Variants in SGCZ observed in about 807,000 individuals in gnomAD.
The protein encoded by SGCZ is zeta-sarcoglycan.
SGCZ carries 40 observed loss-of-function variants against 41.3 expected under a neutral mutation model. The observed-to-expected ratio is 0.97, with a 90% CI of 0.75 to 1.26. The LOEUF is 1.26. Ranked by LOEUF, SGCZ falls within the 50% of genes most tolerant of loss-of-function variation. The pLI, the probability that SGCZ is intolerant of heterozygous loss-of-function variation, is 0.00. For missense variants in SGCZ, 552 were observed against 369.8 expected (o/e 1.49, Z -4.04); for synonymous variants, 206 against 137.5 (o/e 1.50, Z -3.49).
At chr8:14,562,230 T>C (rs1804227192) in intron 1 of SGCZ, among the ~76,000 whole-genome samples, 1 of 152,160 alleles carries the variant, frequency 6.6e-6, no homozygotes, top group Non-Finnish European at 1.5e-5. Flanking sequence ...TCAGTATTTT[T>C]ATATAAGTAT....
chr8:14,524,323 G>A lies in SGCZ; in HGVS notation c.234+30409C>T, dbSNP rs532954154. On this transcript the variant is annotated intron_variant, in intron 2 of 7. Coordinates refer to ENST00000382080, the MANE Select transcript of SGCZ (RefSeq NM_139167.4). ...TCCAGGATCCTGTCCATTGAAACCCGAGGCAAAGTTCTCACTGCTCCTGGA... is the reference window on the plus strand; with the variant it reads ...TCCAGGATCCTGTCCATTGAAACCCAAGGCAAAGTTCTCACTGCTCCTGGA... 8.0e-4 allele frequency among the ~76,000 whole-genome samples: 122 copies of A among 151,856 alleles called. 1 individual carries two copies. Among genetic ancestry groups the A allele is most frequent in the Admixed American group, 1.4e-3 (21 of 15,238 alleles).
intron 1 of SGCZ, among the ~76,000 whole-genome samples, chr8:14,688,470 G>C (rs1220258672): frequency 3.3e-5 from 5 of 152,068 alleles, no homozygotes; most frequent in African/African-American, 4.8e-5. Flanking sequence ...CCCATTGCTT[G>C]TTTTTCTCAG....
At chr8:14,732,262 T>C (rs1333926777) in intron 1 of SGCZ, among the ~76,000 whole-genome samples, 5 of 152,134 alleles carry the variant, frequency 3.3e-5, no homozygotes, top group Admixed American at 3.3e-4. Flanking sequence ...AGCTCTTATC[T>C]TATCCTTTCA....
chr8:14,885,605 T>C (rs1804757085), intron 1 of SGCZ, among the ~76,000 whole-genome samples: 1 of 152,114 alleles, frequency 6.6e-6, no homozygotes, highest in Non-Finnish European at 1.5e-5. Context: ...GTCCTTGCTC[T>C]CTTAACTGAC....
At chr8:14,429,480 G>T (rs551907156) in intron 2 of SGCZ, among the ~76,000 whole-genome samples, 2 of 152,178 alleles carry the variant, frequency 1.3e-5, no homozygotes, top group African/African-American at 4.8e-5. Context: ...AGTGAGATGA[G>T]ATGAGGTTAA....
At chr8:14,506,109 A>G (rs1001098723) in intron 2 of SGCZ, among the ~76,000 whole-genome samples, 1 of 151,972 alleles carries the variant, frequency 6.6e-6, no homozygotes. Context: ...AGGCCGAGGC[A>G]GGCGGATCAT....
intron 1 of SGCZ, among the ~76,000 whole-genome samples, chr8:14,977,554 G>A (rs892895863): frequency 1.3e-5 from 2 of 151,956 alleles, no homozygotes; most frequent in African/African-American, 4.8e-5. Flanking sequence ...TCAGTGACAG[G>A]TATTTTACAG....
intron 5 of SGCZ, among the ~76,000 whole-genome samples, chr8:14,119,452 A>G (rs527573996): frequency 6.6e-6 from 1 of 152,268 alleles, no homozygotes; most frequent in Non-Finnish European, 1.5e-5. Flanking sequence ...GAGCTTAAGG[A>G]GATTTTGGGC....
At chr8:14,197,954 G>T (rs1263104670) in intron 4 of SGCZ, among the ~76,000 whole-genome samples, 1 of 152,110 alleles carries the variant, frequency 6.6e-6, no homozygotes, top group Non-Finnish European at 1.5e-5. Flanking sequence ...TAGCAAGTTT[G>T]CAGGAAACAA....
At chr8:15,147,239 AC>A (rs1799059014) in intron 1 of SGCZ, among the ~76,000 whole-genome samples, 2 of 151,716 alleles carry the variant, frequency 1.3e-5, no homozygotes, top group African/African-American at 2.4e-5. Flanking sequence ...TCCCCAACCT[AC>A]CCCATCCCTC....
intron 2 of SGCZ, among the ~76,000 whole-genome samples, chr8:14,371,074 G>C (rs945935809): frequency 1.4e-4 from 21 of 151,888 alleles, no homozygotes; most frequent in African/African-American, 4.1e-4. Flanking sequence ...TATTTTTATT[G>C]TTCTTTTGTT....
intron 1 of SGCZ, among the ~76,000 whole-genome samples, chr8:15,204,763 T>C (rs1801007290): frequency 6.6e-6 from 1 of 152,186 alleles, no homozygotes; most frequent in Non-Finnish European, 1.5e-5. Flanking sequence ...ATGTTAACTA[T>C]AGCCCACATA....
intron 4 of SGCZ, among the ~76,000 whole-genome samples, chr8:14,231,531 C>A (rs527625131): frequency 6.6e-6 from 1 of 151,754 alleles, no homozygotes; most frequent in African/African-American, 2.4e-5. Flanking sequence ...GACACACACA[C>A]ACCATGTCTT....
chr8:14,344,023 C>T (rs183170675), intron 2 of SGCZ, among the ~76,000 whole-genome samples: 82 of 151,786 alleles, frequency 5.4e-4, no homozygotes, highest in Admixed American at 1.2e-3. Flanking sequence ...CTGCAATCCA[C>T]GAAAAAGAAT....
At chr8:14,404,048 G>C (rs547101594) in intron 2 of SGCZ, among the ~76,000 whole-genome samples, 17 of 152,230 alleles carry the variant, frequency 1.1e-4, no homozygotes, top group African/African-American at 3.4e-4. Flanking sequence ...AACAAATCAT[G>C]TATCTTACCT....
intron 1 of SGCZ, among the ~76,000 whole-genome samples, chr8:15,236,440 G>A (rs184505449): frequency 3.1e-4 from 45 of 146,146 alleles, no homozygotes; most frequent in Admixed American, 1.5e-3. Context: ...TCCAGCGGGT[G>A]GGGGGGTGCC....
At chr8:14,467,979 T>C (rs561811548) in intron 2 of SGCZ, among the ~76,000 whole-genome samples, 25 of 152,216 alleles carry the variant, frequency 1.6e-4, no homozygotes, top group African/African-American at 6.0e-4. Flanking sequence ...ACACAAATAA[T>C]TTAATATTGA....
At chr8:14,586,629 G>A (rs1022690296) in intron 1 of SGCZ, among the ~76,000 whole-genome samples, 5 of 152,138 alleles carry the variant, frequency 3.3e-5, no homozygotes, top group Non-Finnish European at 5.9e-5. Flanking sequence ...GTGATGCAAA[G>A]TTAGGCAAAG....
intron 5 of SGCZ, among the ~76,000 whole-genome samples, chr8:14,152,436 G>C (rs968742238): frequency 6.6e-6 from 1 of 152,132 alleles, no homozygotes; most frequent in African/African-American, 2.4e-5. Context: ...GGATGAGCTG[G>C]GAGGATCGCT....
Sources: allele counts gnomAD v4.1 joint callset (sites outside exome capture counted in the v4.1 genomes callset), GRCh38; gene constraint gnomAD v4.1.1; transcripts MANE v1.5; gene names NCBI Gene and HGNC (gene_info 2026-07-23, HGNC 2026-07-21).